Variants in KANK1 observed in about 807,000 individuals in gnomAD.
The protein encoded by KANK1 is KN motif and ankyrin repeat domains 1, also known as KN motif and ankyrin repeat domain-containing protein 1.
KANK1 carries 109 observed loss-of-function variants against 106.2 expected under a neutral mutation model. That is an observed-to-expected ratio of 1.03 (90% CI 0.88 to 1.20). KANK1 has a LOEUF of 1.20. Ranked by LOEUF, KANK1 falls within the 50% of genes most tolerant of loss-of-function variation. KANK1 has a pLI of 0.00. For synonymous variants in KANK1, 873 were observed against 652.2 expected, an observed-to-expected ratio of 1.34 and a Z score of -5.16; for missense variants, 2,399 against 1,710.7, an observed-to-expected ratio of 1.40 and a Z score of -7.10.
At chr9:553,093 C>T (rs553932709) in intron 1 of KANK1, among the ~76,000 whole-genome samples, 4 of 152,216 alleles carry the variant, frequency 2.6e-5, no homozygotes, top group East Asian at 1.9e-4. Flanking sequence ...CTGCAGTGAG[C>T]CATGATTGTG....
Position 710,914 on chromosome 9 carries a change from G to T in KANK1, c.148G>T (p.Asp50Tyr), listed in dbSNP as rs745774146. The T allele has an allele frequency of 1.4e-5, 22 of 1,613,976 alleles. No individual in the cohort carries two copies. In the East Asian group the frequency reaches 4.9e-4, roughly 36 times the overall value. ...QLDLDFLKYV[D>Y]DIQKGNTIKR... ...AGACTTAGATTTCCTCAAATATGTG[G>T]ATGACATACAGAAGGGAAATACCAT... The change falls in exon 3 of 12, where the codon GAT (aspartate) becomes TAT (tyrosine). Residue 50 changes from aspartate to tyrosine, a missense_variant. Asp to Tyr is a radical substitution (Grantham distance 160). Transcript: ENST00000382297.
At chr9:640,896 C>G (rs1372929813) in intron 1 of KANK1, among the ~76,000 whole-genome samples, 1 of 151,536 alleles carries the variant, frequency 6.6e-6, no homozygotes, top group Non-Finnish European at 1.5e-5. Flanking sequence ...CAGGGTTTCA[C>G]CATGTTAGCC....
intron 1 of KANK1, among the ~76,000 whole-genome samples, chr9:507,245 C>G (rs1464275311): frequency 6.6e-6 from 1 of 151,634 alleles, no homozygotes; most frequent in African/African-American, 2.4e-5. Flanking sequence ...GTCCCAGCTA[C>G]TTGGGAGGCT....
chr9:737,564 C>A (rs1026823785), intron 7 of KANK1, among the ~76,000 whole-genome samples: 1 of 152,216 alleles, frequency 6.6e-6, no homozygotes, highest in Non-Finnish European at 1.5e-5. Flanking sequence ...AAAGCAAGTG[C>A]CTTCTTCATG....
chr9:565,360 A>G (rs911761852), intron 1 of KANK1, among the ~76,000 whole-genome samples: 1 of 152,222 alleles, frequency 6.6e-6, no homozygotes, highest in Non-Finnish European at 1.5e-5. Flanking sequence ...CCTTGTGCAG[A>G]CAGTAGTTTA....
At chr9:676,777 C>G (rs530098518) in intron 1 of KANK1, 113 bp from the exon 2 acceptor site, 99 of 521,176 alleles carry the variant, frequency 1.9e-4, no homozygotes, top group African/African-American at 1.3e-3. Flanking sequence ...CTTTCTCCCC[C>G]CATTCCGATT....
At chr9:723,012 G>C (rs999257050) in intron 3 of KANK1, among the ~76,000 whole-genome samples, 1 of 152,194 alleles carries the variant, frequency 6.6e-6, no homozygotes, top group Non-Finnish European at 1.5e-5. Flanking sequence ...GACTAGAGAA[G>C]ATAGAATTTG....
intron 1 of KANK1, chr9:549,392 G>A (rs2061136112): frequency 6.6e-6 from 1 of 152,336 alleles, no homozygotes; most frequent in African/African-American, 2.4e-5. Flanking sequence ...TCTCCAGCTT[G>A]CTAGTGAGAA....
chr9:608,583 G>T (rs972841733), intron 1 of KANK1, among the ~76,000 whole-genome samples: 6 of 149,286 alleles, frequency 4.0e-5, no homozygotes, highest in Non-Finnish European at 8.8e-5. Flanking sequence ...ACAAGAGTGG[G>T]CTCTCTCTCT....
intron 1 of KANK1, among the ~76,000 whole-genome samples, chr9:550,086 C>T (rs1292337765): frequency 6.6e-6 from 1 of 152,120 alleles, no homozygotes; most frequent in African/African-American, 2.4e-5. Flanking sequence ...GTCGCAACAC[C>T]ACTGGGTTGG....
At chr9:612,794 T>C (rs1444423565) in intron 1 of KANK1, among the ~76,000 whole-genome samples, 1 of 152,126 alleles carries the variant, frequency 6.6e-6, no homozygotes, top group Non-Finnish European at 1.5e-5. Context: ...ACTGTGACAC[T>C]CTTTCGAACC....
intron 1 of KANK1, among the ~76,000 whole-genome samples, chr9:523,017 C>CT (rs2059619712): frequency 6.6e-6 from 1 of 151,678 alleles, no homozygotes; most frequent in African/African-American, 2.4e-5. Flanking sequence ...TTCTTGATCT[C>CT]TTTTCTGTAG....
chr9:529,104 C>G (rs893282078), intron 1 of KANK1, among the ~76,000 whole-genome samples: 3 of 151,844 alleles, frequency 2.0e-5, no homozygotes, highest in Admixed American at 6.6e-5. Context: ...TGGCCCATGG[C>G]TCAGATTTAA....
intron 1 of KANK1, among the ~76,000 whole-genome samples, chr9:584,625 A>G (rs1003867120): frequency 6.6e-6 from 1 of 152,202 alleles, no homozygotes; most frequent in Non-Finnish European, 1.5e-5. Flanking sequence ...TTAGCATTTG[A>G]GACTTGATAA....
chr9:623,056 T>C (rs778002257), intron 1 of KANK1, among the ~76,000 whole-genome samples: 30 of 152,142 alleles, frequency 2.0e-4, no homozygotes, highest in Non-Finnish European at 3.7e-4. Context: ...AACATACAAG[T>C]GGGACTACAT....
chr9:570,618 G>T (rs1218105036), intron 1 of KANK1, among the ~76,000 whole-genome samples: 1 of 152,198 alleles, frequency 6.6e-6, no homozygotes, highest in African/African-American at 2.4e-5. Context: ...TATGGAAACT[G>T]AGCATTGGAG....
At chr9:579,108 G>A (rs1191488605) in intron 1 of KANK1, among the ~76,000 whole-genome samples, 2 of 152,206 alleles carry the variant, frequency 1.3e-5, no homozygotes, top group Non-Finnish European at 2.9e-5. Context: ...CAGTTTGGCA[G>A]GGAAGGCACA....
At chr9:626,238 C>T (rs968210239) in intron 1 of KANK1, among the ~76,000 whole-genome samples, 1 of 152,110 alleles carries the variant, frequency 6.6e-6, no homozygotes, top group African/African-American at 2.4e-5. Flanking sequence ...CCGAGGCAGG[C>T]AGATCATCTG....
chr9:498,727 T>C (rs573992637), intron 3 of KANK1, among the ~76,000 whole-genome samples: 133 of 152,322 alleles, frequency 8.7e-4, no homozygotes, highest in African/African-American at 3.1e-3. Flanking sequence ...CACAGTGAGA[T>C]ACTACTTCAT....
Sources: gnomAD v4.1 joint callset for allele counts (sites outside exome capture counted in the v4.1 genomes callset) on GRCh38, gnomAD v4.1.1 for gene constraint, MANE v1.5 for transcripts, NCBI Gene and HGNC (gene_info 2026-07-23, HGNC 2026-07-21) for gene names.